The following NCAM1 variants were observed in gnomAD, a reference collection of about 807,000 sequenced individuals.
The protein encoded by NCAM1 is antigen recognized by monoclonal antibody 5.1H11.
In NCAM1, 14 loss-of-function variants were observed where a neutral mutation model predicts 109.8. That is an observed-to-expected ratio of 0.13 (90% CI 0.08 to 0.20). NCAM1 has a LOEUF of 0.20. NCAM1 is among the 10% of genes least tolerant of loss of function. The pLI is 1.00. For synonymous variants in NCAM1, 418 were observed against 442.9 expected (o/e 0.94, Z 0.70); for missense variants, 774 against 1,109.9 (o/e 0.70, Z 4.30).
intron 1 of NCAM1, among the ~76,000 whole-genome samples, chr11:113,136,929 C>T (rs1555099593): frequency 6.6e-6 from 1 of 152,116 alleles, no homozygotes. Flanking sequence ...GAGGATGTGT[C>T]CAGGGGAAGG....
intron 17 of NCAM1, among the ~76,000 whole-genome samples, chr11:113,267,966 CAT>C (rs1347109635): frequency 6.6e-6 from 1 of 152,226 alleles, no homozygotes; most frequent in Admixed American, 6.5e-5. Context: ...AAAATCCAGA[CAT>C]ATTCCCCACT....
chr11:113,192,909 A>G (rs530360020), intron 1 of NCAM1, among the ~76,000 whole-genome samples: 1 of 152,316 alleles, frequency 6.6e-6, no homozygotes, highest in African/African-American at 2.4e-5. Context: ...ATAGTAGAAG[A>G]TGGAAAAGTT....
intron 16 of NCAM1, among the ~76,000 whole-genome samples, chr11:113,256,232 T>C (rs1309016525): frequency 6.6e-6 from 1 of 152,200 alleles, no homozygotes; most frequent in Non-Finnish European, 1.5e-5. Context: ...ACTGTGGTGG[T>C]GACAAACCCA....
chr11:113,244,554 C>T (rs1209453197), intron 14 of NCAM1, among the ~76,000 whole-genome samples: 13 of 152,092 alleles, frequency 8.5e-5, no homozygotes, highest in African/African-American at 2.9e-4. Context: ...TGCAGTGGAA[C>T]TAATAGCAGA....
chr11:113,225,121 G>A (rs1003951821), intron 9 of NCAM1, among the ~76,000 whole-genome samples: 2 of 152,136 alleles, frequency 1.3e-5, no homozygotes, highest in South Asian at 2.1e-4. Flanking sequence ...GGCTTCAGAC[G>A]ATCAAACTTC....
intron 16 of NCAM1, among the ~76,000 whole-genome samples, chr11:113,259,253 G>A (rs983508623): frequency 7.3e-5 from 11 of 151,496 alleles, no homozygotes; most frequent in South Asian, 2.1e-4. Context: ...GGGTTTCACC[G>A]TTTTAGCCGG....
intron 1 of NCAM1, among the ~76,000 whole-genome samples, chr11:113,046,155 G>A (rs1953259754): frequency 6.6e-6 from 1 of 152,168 alleles, no homozygotes; most frequent in African/African-American, 2.4e-5. Context: ...CTCTGTAGAA[G>A]GCAGAGTCAT....
At chr11:113,235,814 CCT>C (rs1945151008) in intron 14 of NCAM1, among the ~76,000 whole-genome samples, 1 of 152,148 alleles carries the variant, frequency 6.6e-6, no homozygotes, top group Non-Finnish European at 1.5e-5. Context: ...TCGGCCATTC[CCT>C]CTTTCTTTTA....
At chr11:113,000,855 AAATAT>A (rs1565374096) in intron 1 of NCAM1, among the ~76,000 whole-genome samples, 1 of 112,564 alleles carries the variant, frequency 8.9e-6, no homozygotes. Flanking sequence ...TATACACAAA[AAATAT>A]ATATATATAT....
chr11:113,119,232 G>A (rs1308668617), intron 1 of NCAM1, among the ~76,000 whole-genome samples: 1 of 152,140 alleles, frequency 6.6e-6, no homozygotes, highest in Non-Finnish European at 1.5e-5. Flanking sequence ...TATTAGTTGA[G>A]TCATCACAGT....
At chr11:113,021,558 C>A (rs112437414) in intron 1 of NCAM1, among the ~76,000 whole-genome samples, 279 of 152,216 alleles carry the variant, frequency 1.8e-3, no homozygotes, top group South Asian at 8.3e-3. Flanking sequence ...TTTGGTAATT[C>A]CTGTGGATTT....
intron 1 of NCAM1, among the ~76,000 whole-genome samples, chr11:113,001,276 C>T (rs1555072381): frequency 6.6e-6 from 1 of 152,108 alleles, no homozygotes; most frequent in Non-Finnish European, 1.5e-5. Flanking sequence ...AGCCAGGTTT[C>T]CTGGAGCATA....
chr11:113,000,847 T>TACAC (rs1555072308), intron 1 of NCAM1, among the ~76,000 whole-genome samples: 3 of 113,590 alleles, frequency 2.6e-5, no homozygotes, highest in Admixed American at 8.2e-5. Context: ...TATATATATA[T>TACAC]ACACAAAAAA....
chr11:113,187,238 G>A (rs1278409737), intron 1 of NCAM1, among the ~76,000 whole-genome samples: 1 of 152,220 alleles, frequency 6.6e-6, no homozygotes, highest in South Asian at 2.1e-4. Flanking sequence ...TTGGTCTCTG[G>A]GTCAGTCTTC....
chr11:113,092,784 AGGAGTGAGATTATAT>A (rs1565431532), intron 1 of NCAM1, among the ~76,000 whole-genome samples: 3 of 152,166 alleles, frequency 2.0e-5, no homozygotes, highest in African/African-American at 7.2e-5. Context: ...TGTGGAAGAA[AGGAGTGAGATTATAT>A]GGCATCTCTT....
intron 1 of NCAM1, among the ~76,000 whole-genome samples, chr11:113,099,836 A>G (rs188882425): frequency 1.1e-3 from 162 of 152,194 alleles, no homozygotes; most frequent in African/African-American, 3.7e-3. Context: ...CTACAGGCAC[A>G]TGCCACCATG....
At chr11:113,074,299 T>C (rs782284310) in intron 1 of NCAM1, among the ~76,000 whole-genome samples, 4 of 152,158 alleles carry the variant, frequency 2.6e-5, no homozygotes, top group Non-Finnish European at 5.9e-5. Flanking sequence ...ACATGCATTG[T>C]GATGTAAATG....
intron 1 of NCAM1, among the ~76,000 whole-genome samples, chr11:113,124,931 T>C (rs1372254217): frequency 6.6e-6 from 1 of 152,228 alleles, no homozygotes; most frequent in Non-Finnish European, 1.5e-5. Context: ...CGTCCGTCAT[T>C]AAAGGCCTGA....
intron 1 of NCAM1, among the ~76,000 whole-genome samples, chr11:113,092,405 C>T (rs575505531): frequency 4.5e-4 from 68 of 152,070 alleles, no homozygotes; most frequent in African/African-American, 1.3e-3. Flanking sequence ...AGTGCTTTGC[C>T]GGTAATTGAA....
Sources: gnomAD v4.1 joint callset for allele counts (sites outside exome capture counted in the v4.1 genomes callset) on GRCh38, gnomAD v4.1.1 for gene constraint, MANE v1.5 for transcripts, NCBI Gene and HGNC (gene_info 2026-07-23, HGNC 2026-07-21) for gene names.